Variants in TM6SF1 observed in about 807,000 individuals in gnomAD.
TM6SF1 encodes transmembrane 6 superfamily member 1.
In TM6SF1, 43 loss-of-function variants were observed where a neutral mutation model predicts 47.1. The ratio of observed to expected loss-of-function variants is 0.91; its 90% CI spans 0.72 to 1.18. The LOEUF is 1.18. Among genes scored for constraint, TM6SF1 ranks in the 50% most tolerant of loss-of-function variants. TM6SF1 has a pLI of 0.00. For synonymous variants in TM6SF1, 177 were observed against 166.3 expected (o/e 1.06, Z -0.49); for missense variants, 390 against 449.0 (o/e 0.87, Z 1.19).
chr15:83,112,407 C>T (rs74028238), intron 1 of TM6SF1, among the ~76,000 whole-genome samples: 2,069 of 152,224 alleles, frequency 0.014, 46 homozygotes, highest in African/African-American at 0.047. Flanking sequence ...AGGGAGGTGG[C>T]AGAGTCAGTG....
intron 6 of TM6SF1, among the ~76,000 whole-genome samples, chr15:83,123,869 G>A (rs2035489904): frequency 6.6e-6 from 1 of 152,204 alleles, no homozygotes; most frequent in Non-Finnish European, 1.5e-5. Flanking sequence ...GACAGCCAGG[G>A]CCAAGCAGGC....
chr15:83,111,027 C>T (rs578003945), intron 1 of TM6SF1, among the ~76,000 whole-genome samples: 4 of 152,098 alleles, frequency 2.6e-5, no homozygotes, highest in Non-Finnish European at 4.4e-5. Context: ...TCCGCCACCT[C>T]GCCTGGCTAA....
intron 2 of TM6SF1, 116 bp downstream of exon 2, chr15:83,113,016 G>C (rs1041237623): frequency 1.9e-5 from 16 of 859,634 alleles, no homozygotes; most frequent in Non-Finnish European, 2.7e-5. Context: ...AACAGTGGCT[G>C]CAAGTGTAGG....
chr15:83,132,701 A>T (rs1019593833), intron 9 of TM6SF1: 5 of 152,138 alleles, frequency 3.3e-5, no homozygotes, highest in Non-Finnish European at 5.9e-5. Flanking sequence ...GCCTGGAAGT[A>T]AATTTCATAC....
intron 2 of TM6SF1, chr15:83,114,732 A>G (rs2034501844): frequency 6.6e-6 from 1 of 152,260 alleles, no homozygotes; most frequent in Non-Finnish European, 1.5e-5. Flanking sequence ...TCTTCTGTCC[A>G]TGTCCATCCC....
In TM6SF1 at chr15:83,107,942, G is replaced by C. The variant is rs1349362738; in HGVS notation, c.92+170G>C. On this transcript the variant is annotated intron_variant, in intron 1 of 9. Transcript: ENST00000322019. The surrounding 1 kb of genome is among the most constrained non-coding windows in gnomAD (Gnocchi z 5.6). ...GCCAGACTAGGGGGGCGCCCCAGGG[G>C]TCGCACGGGCCGGGTCTTGGAGCCG... 1.6e-6 allele frequency: 2 copies of C among 1,249,832 alleles called. No homozygotes were observed. Among genetic ancestry groups the C allele is most frequent in the Non-Finnish European group, 2.0e-6 (2 of 982,330 alleles). The allele number at this position is 1,249,832 out of a possible 1,614,324, so 77.4% of individuals were successfully genotyped here.
At chr15:83,131,521 A>G (rs1220149580) in intron 9 of TM6SF1, 1 of 152,652 alleles carries the variant, frequency 6.6e-6, no homozygotes, top group Non-Finnish European at 1.5e-5. Flanking sequence ...AATCCCAGCT[A>G]CTTGGGAGGC....
chr15:83,108,527 G>T (rs1474483484), intron 1 of TM6SF1, among the ~76,000 whole-genome samples: 1 of 152,142 alleles, frequency 6.6e-6, no homozygotes, highest in East Asian at 1.9e-4. Context: ...GATGGAGGGG[G>T]ACAGGGCTTG....
chr15:83,110,479 T>C (rs1482982850), intron 1 of TM6SF1, among the ~76,000 whole-genome samples: 3 of 152,070 alleles, frequency 2.0e-5, no homozygotes, highest in African/African-American at 7.2e-5. Context: ...TTCCCTCCTC[T>C]CCTGGAGCTA....
intron 9 of TM6SF1, chr15:83,129,744 C>T (rs17158080): frequency 0.38 from 57,515 of 152,160 alleles, 12,920 homozygotes; most frequent in African/African-American, 0.63. Flanking sequence ...AGTGACATTC[C>T]GAGTTGGACT....
At chr15:83,130,271 C>T (rs1346044007) in intron 9 of TM6SF1, 1 of 152,284 alleles carries the variant, frequency 6.6e-6, no homozygotes, top group East Asian at 1.9e-4. Flanking sequence ...GTGTGGTAAG[C>T]CTGTAGCAAT....
chr15:83,120,587 CTTTT>C (rs993490763), intron 4 of TM6SF1, among the ~76,000 whole-genome samples: 8 of 125,944 alleles, frequency 6.4e-5, no homozygotes, highest in Non-Finnish European at 8.5e-5. Context: ...CCAGCTAATT[CTTTT>C]TTTTTTTTTT....
chr15:83,118,325 T>C (rs771047056), intron 3 of TM6SF1, among the ~76,000 whole-genome samples: 8 of 151,960 alleles, frequency 5.3e-5, no homozygotes, highest in Non-Finnish European at 8.8e-5. Context: ...GAGAAGCTGA[T>C]GAATTAAGAG....
chr15:83,122,996 G>C, intron 6 of TM6SF1, 118 bp downstream of exon 6: 2 of 1,161,986 alleles, frequency 1.7e-6, no homozygotes, highest in Non-Finnish European at 2.4e-6. Context: ...CATCCAAACA[G>C]TGCGACTGTT....
chr15:83,128,077 ACAAAT>A (rs1463886728), intron 9 of TM6SF1: 1 of 152,276 alleles, frequency 6.6e-6, no homozygotes, highest in Non-Finnish European at 1.5e-5. Flanking sequence ...AATTAGCAAA[ACAAAT>A]CAATCTTCTG....
Position 83,107,953 on chromosome 15 carries a change from C to T in TM6SF1, c.92+181C>T. ...GGGGCGCCCCAGGGGTCGCACGGGC[C>T]GGGTCTTGGAGCCGGGCCCTGAGGT... On this transcript the variant is annotated intron_variant, in intron 1 of 9. Coordinates refer to ENST00000322019, the MANE Select transcript of TM6SF1 (RefSeq NM_023003.5). The surrounding 1 kb of genome is among the most constrained non-coding windows in gnomAD (Gnocchi z 5.6). The T allele has an allele frequency of 8.2e-7, 1 of 1,218,870 alleles. No homozygotes were observed. The highest frequency in any genetic ancestry group is 1.0e-6 in the Non-Finnish European group (1 of 956,038). The allele number at this position is 1,218,870 out of a possible 1,614,324, so 75.5% of individuals were successfully genotyped here.
rs1596477526 is a variant in TM6SF1 at position 83,115,616 on chromosome 15, T to A, written c.197-229T>A. The A allele has an allele frequency of 1.2e-5, 8 of 663,368 alleles. No individual in the cohort carries two copies. The East Asian group carries it at 2.3e-4, about 19-fold the overall frequency. The allele number at this position is 663,368 out of a possible 1,614,324, so 41.1% of individuals were successfully genotyped here. A position where few individuals can be genotyped will look rare whatever the true frequency, so the allele number is the denominator to read the frequency against. On this transcript the variant is annotated intron_variant, in intron 2 of 9. Transcript: ENST00000322019. Reference sequence around the variant, plus strand: ...TGACCATCATTCTCCACTCCTGTGATGAGTGTTCCCTTGATGAGAGTACTT... The same window carrying A: ...TGACCATCATTCTCCACTCCTGTGAAGAGTGTTCCCTTGATGAGAGTACTT...
At chr15:83,125,440 T>C (rs1200593881) in intron 7 of TM6SF1, among the ~76,000 whole-genome samples, 1 of 152,230 alleles carries the variant, frequency 6.6e-6, no homozygotes, top group African/African-American at 2.4e-5. Context: ...GAAAAACTAC[T>C]TAACCTCTTG....
chr15:83,124,734 G>C lies in TM6SF1; in HGVS notation c.666G>C (p.Val222=). The change falls in exon 7 of 10, where the codon GTG becomes GTC. Residue 222 remains valine (V), a synonymous_variant. Coordinates refer to ENST00000322019, the MANE Select transcript of TM6SF1 (RefSeq NM_023003.5). ...LRRPFDLMLV[V]CLLLATGFCL... Reference sequence around the variant, plus strand: ...GACCATTTGATTTAATGTTGGTTGTGTGTCTCCTCCTGGCAACTGGATTTT... The same window carrying C: ...GACCATTTGATTTAATGTTGGTTGTCTGTCTCCTCCTGGCAACTGGATTTT... 1 of 1,614,132 alleles carries C rather than the reference G, an allele frequency of 6.2e-7. No homozygotes were observed. The highest frequency in any genetic ancestry group is 8.5e-7 in the Non-Finnish European group (1 of 1,180,030).
Sources: gnomAD v4.1 joint callset for allele counts (sites outside exome capture counted in the v4.1 genomes callset) on GRCh38, gnomAD v4.1.1 for gene constraint, Gnocchi (gnomAD v3.1) non-coding constraint, MANE v1.5 for transcripts, NCBI Gene and HGNC (gene_info 2026-07-23, HGNC 2026-07-21) for gene names.